The following GALNT18 variants were observed in gnomAD, a reference collection of about 807,000 sequenced individuals.
GALNT18 encodes the protein polypeptide N-acetylgalactosaminyltransferase 18.
In GALNT18, 44 loss-of-function variants were observed where a neutral mutation model predicts 69.5. That is an observed-to-expected ratio of 0.63 (90% CI 0.50 to 0.81). GALNT18 has a LOEUF of 0.81. GALNT18 is among the 40% of genes least tolerant of loss of function. The pLI is 0.00. For missense variants in GALNT18, 715 were observed against 810.0 expected (o/e 0.88, Z 1.42); for synonymous variants, 364 against 318.2 (o/e 1.14, Z -1.53).
intron 1 of GALNT18, among the ~76,000 whole-genome samples, chr11:11,588,175 C>T (rs1859270926): frequency 6.6e-6 from 1 of 152,168 alleles, no homozygotes; most frequent in African/African-American, 2.4e-5. Flanking sequence ...TCCCCACCAA[C>T]CTTCCCTCAC....
intron 3 of GALNT18, among the ~76,000 whole-genome samples, chr11:11,400,247 C>G (rs955137170): frequency 7.2e-5 from 11 of 152,204 alleles, no homozygotes; most frequent in Non-Finnish European, 1.5e-4. Context: ...CCTCATGATC[C>G]AAACCCACCC....
intron 1 of GALNT18, among the ~76,000 whole-genome samples, chr11:11,567,936 C>T (rs546569404): frequency 6.6e-6 from 1 of 152,290 alleles, no homozygotes; most frequent in African/African-American, 2.4e-5. Context: ...CCACCCTCAC[C>T]CTGTCTTTAA....
At chr11:11,397,234 A>G (rs1349141066) in intron 3 of GALNT18, among the ~76,000 whole-genome samples, 1 of 152,146 alleles carries the variant, frequency 6.6e-6, no homozygotes, top group East Asian at 1.9e-4. Flanking sequence ...CTGTAAGGGA[A>G]ATGCCCGTGT....
chr11:11,576,675 G>A (rs1263155521), intron 1 of GALNT18, among the ~76,000 whole-genome samples: 4 of 152,260 alleles, frequency 2.6e-5, no homozygotes, highest in African/African-American at 9.6e-5. Flanking sequence ...CAACTCTGAA[G>A]CTTGGGCTAG....
At chr11:11,482,371 C>T (rs1435063982) in intron 1 of GALNT18, among the ~76,000 whole-genome samples, 1 of 152,272 alleles carries the variant, frequency 6.6e-6, no homozygotes, top group Non-Finnish European at 1.5e-5. Context: ...GCCCTCCACC[C>T]TGGCCCACAG....
chr11:11,545,530 C>T (rs931418047), intron 1 of GALNT18, among the ~76,000 whole-genome samples: 3 of 152,208 alleles, frequency 2.0e-5, no homozygotes, highest in Admixed American at 6.5e-5. Context: ...CAGATAAGCG[C>T]GTGCACAGTG....
rs577628672 is a variant in GALNT18 at position 11,323,750 on chromosome 11, C to T, written c.1512+3336G>A. ...GCATTCTTTCATTCTATCCCACTTT[C>T]TCTGTCCCCTTTAGTTCAAACTGGC... On this transcript the variant is annotated intron_variant, in intron 9 of 10. Coordinates refer to ENST00000227756, the MANE Select transcript of GALNT18 (RefSeq NM_198516.3). Among the ~76,000 whole-genome samples, 567 of 152,370 alleles carry T rather than the reference C, an allele frequency of 3.7e-3. 2 individuals carry two copies. The highest frequency in any genetic ancestry group is 0.025 in the South Asian group (123 of 4,828).
chr11:11,512,204 T>A (rs1216135541), intron 1 of GALNT18, among the ~76,000 whole-genome samples: 1 of 152,168 alleles, frequency 6.6e-6, no homozygotes, highest in Non-Finnish European at 1.5e-5. Flanking sequence ...GAGCCGTGTC[T>A]CCTGGGCAGG....
chr11:11,492,517 A>G (rs1856792900), intron 1 of GALNT18, among the ~76,000 whole-genome samples: 1 of 152,242 alleles, frequency 6.6e-6, no homozygotes, highest in African/African-American at 2.4e-5. Context: ...TCAATGATAG[A>G]CTGGATAAAG....
intron 10 of GALNT18, among the ~76,000 whole-genome samples, chr11:11,292,501 C>A (rs1379692101): frequency 6.6e-6 from 1 of 152,186 alleles, no homozygotes; most frequent in Non-Finnish European, 1.5e-5. Context: ...TGCTGTCTGG[C>A]AAGGAAACCT....
At chr11:11,296,362 C>A (rs7128844) in intron 9 of GALNT18, among the ~76,000 whole-genome samples, 55,802 of 151,952 alleles carry the variant, frequency 0.37, 10,283 homozygotes, top group Admixed American at 0.39. Context: ...CCTCAGCCTG[C>A]CACCTGGGCC....
chr11:11,420,588 T>C (rs1445992276), intron 3 of GALNT18, among the ~76,000 whole-genome samples: 1 of 152,246 alleles, frequency 6.6e-6, no homozygotes, highest in East Asian at 1.9e-4. Flanking sequence ...GTTTTAACTA[T>C]TCAGGAAAGC....
At position 11,592,487 on chromosome 11, in the gene GALNT18, C is replaced by T. The variant is rs1425272664; in HGVS notation, c.235+28872G>A. On this transcript the variant is annotated intron_variant, in intron 1 of 10. Transcript: ENST00000227756. This position sits in a 1 kb window ranked among gnomAD's most constrained non-coding sequence, Gnocchi z 5.9. Reference sequence around the variant, plus strand: ...AATAAGGGGTTCACTCCCTCAAGTTCCTACCATGGCTCCCTGGCAGAACCA... The same window carrying T: ...AATAAGGGGTTCACTCCCTCAAGTTTCTACCATGGCTCCCTGGCAGAACCA... Among the ~76,000 whole-genome samples the T allele has an allele frequency of 6.6e-6, 1 of 152,194 alleles. No homozygotes were observed. Among genetic ancestry groups the T allele is most frequent in the Non-Finnish European group, 1.5e-5 (1 of 68,038 alleles).
chr11:11,420,709 T>C (rs1006971183), intron 3 of GALNT18, among the ~76,000 whole-genome samples: 1 of 152,198 alleles, frequency 6.6e-6, no homozygotes, highest in Non-Finnish European at 1.5e-5. Flanking sequence ...GTGCCAAGAA[T>C]GAACAAGGAG....
chr11:11,316,934 T>C (rs1177278267), intron 9 of GALNT18, among the ~76,000 whole-genome samples: 1 of 152,222 alleles, frequency 6.6e-6, no homozygotes, highest in Non-Finnish European at 1.5e-5. Flanking sequence ...TGACGTAAAA[T>C]AATACTCAAC....
chr11:11,332,752 T>A lies in GALNT18; in HGVS notation c.1358A>T (p.Tyr453Phe), dbSNP rs761293470. ...KQLQCKTFRW[Y>F]LVSVYPEMRM... is the part of the protein sequence containing the mutation. ...CATCTCTGGGTACACGCTGACCAGG[T>A]ACCACCGGAAGGTCTTGCACTGCAG... is the stretch of plus-strand genomic sequence containing the variant. Residue 453 changes from tyrosine to phenylalanine, a missense_variant, in exon 8 of 11, where the codon TAC (tyrosine) becomes TTC (phenylalanine). Physicochemically the swap from Tyr to Phe is conservative, Grantham distance 22 (BLOSUM62 3). Coordinates refer to ENST00000227756, the MANE Select transcript of GALNT18 (RefSeq NM_198516.3). This position sits in a 1 kb window ranked among gnomAD's most constrained non-coding sequence, Gnocchi z 4.3. 11 of 1,613,988 alleles carry A rather than the reference T, an allele frequency of 6.8e-6. No individual in the cohort carries two copies. The highest frequency in any genetic ancestry group is 8.5e-6 in the Non-Finnish European group (10 of 1,179,998).
chr11:11,462,774 C>T (rs1339843826), intron 1 of GALNT18, among the ~76,000 whole-genome samples: 1 of 152,194 alleles, frequency 6.6e-6, no homozygotes, highest in Admixed American at 6.5e-5. Context: ...GTCACACAGC[C>T]AGGCAGCAGC....
At chr11:11,527,377 C>T (rs1018707320) in intron 1 of GALNT18, among the ~76,000 whole-genome samples, 5 of 152,112 alleles carry the variant, frequency 3.3e-5, no homozygotes, top group Admixed American at 1.3e-4. Context: ...GTTTGCCTTT[C>T]GAGTCTCTGG....
intron 1 of GALNT18, among the ~76,000 whole-genome samples, chr11:11,569,071 C>T (rs1434991003): frequency 6.6e-6 from 1 of 152,132 alleles, no homozygotes; most frequent in Admixed American, 6.5e-5. Context: ...TATTCTGTGG[C>T]CACCCACTTC....
Sources: allele counts gnomAD v4.1 joint callset (sites outside exome capture counted in the v4.1 genomes callset), GRCh38; gene constraint gnomAD v4.1.1; non-coding constraint Gnocchi (gnomAD v3.1); transcripts MANE v1.5; gene names NCBI Gene and HGNC (gene_info 2026-07-23, HGNC 2026-07-21).